PDSS2: variants seen among roughly 807,000 people sequenced by gnomAD.
The protein encoded by PDSS2 is all trans-polyprenyl-diphosphate synthase PDSS2.
In PDSS2, 31 loss-of-function variants were observed where a neutral mutation model predicts 44.5. The observed-to-expected ratio is 0.70, with a 90% CI of 0.52 to 0.94. The LOEUF (loss-of-function observed/expected upper bound fraction) is 0.94. Ranked by LOEUF, PDSS2 falls within the 40% of genes least tolerant of loss-of-function variation. The pLI is 0.00. For synonymous variants in PDSS2, 157 were observed against 180.3 expected, an observed-to-expected ratio of 0.87 and a Z score of 1.03; for missense variants, 452 against 482.2, an observed-to-expected ratio of 0.94 and a Z score of 0.59.
At chr6:107,377,166 T>C (rs1779310555) in intron 1 of PDSS2, among the ~76,000 whole-genome samples, 1 of 144,196 alleles carries the variant, frequency 6.9e-6, no homozygotes, top group African/African-American at 2.6e-5. Flanking sequence ...ACCCAGAATC[T>C]ACAATGAACT....
At chr6:107,402,343 G>T (rs560310451) in intron 1 of PDSS2, among the ~76,000 whole-genome samples, 7 of 137,094 alleles carry the variant, frequency 5.1e-5, no homozygotes, top group African/African-American at 1.8e-4. Flanking sequence ...CCTTCAACAA[G>T]TATGGGACTA....
intron 4 of PDSS2, among the ~76,000 whole-genome samples, chr6:107,217,174 C>T (rs1773441072): frequency 6.6e-6 from 1 of 152,154 alleles, no homozygotes; most frequent in African/African-American, 2.4e-5. Flanking sequence ...CGGCGAATCT[C>T]CCTGAGGTAG....
At chr6:107,355,655 GTCT>G (rs61209247) in intron 1 of PDSS2, among the ~76,000 whole-genome samples, 2,030 of 152,254 alleles carry the variant, frequency 0.013, 61 homozygotes, top group East Asian at 0.12. Context: ...TTTTCAGTTT[GTCT>G]TCTTCTATAG....
chr6:107,364,707 G>T (rs1321019163), intron 1 of PDSS2, among the ~76,000 whole-genome samples: 2 of 152,232 alleles, frequency 1.3e-5, no homozygotes, highest in South Asian at 2.1e-4. Flanking sequence ...GCAGTGGGGG[G>T]GCTGAAGGGC....
intron 3 of PDSS2, among the ~76,000 whole-genome samples, chr6:107,252,015 G>C (rs1774837288): frequency 6.6e-6 from 1 of 152,118 alleles, no homozygotes. Flanking sequence ...CTAATTCCAG[G>C]TAGATTCAGT....
At chr6:107,288,949 G>A (rs1003700134) in intron 2 of PDSS2, among the ~76,000 whole-genome samples, 10 of 150,122 alleles carry the variant, frequency 6.7e-5, no homozygotes, top group African/African-American at 2.0e-4. Context: ...TAGTAGAGAC[G>A]GGGTTTCACC....
intron 4 of PDSS2, among the ~76,000 whole-genome samples, chr6:107,226,458 A>G (rs925718623): frequency 5.3e-5 from 8 of 152,180 alleles, no homozygotes; most frequent in Non-Finnish European, 1.2e-4. Flanking sequence ...GAGCTGACAA[A>G]GGAAACATAA....
chr6:107,380,372 T>C (rs911736159), intron 1 of PDSS2, among the ~76,000 whole-genome samples: 2 of 152,224 alleles, frequency 1.3e-5, no homozygotes, highest in Non-Finnish European at 2.9e-5. Flanking sequence ...AGTTTCTCAG[T>C]CTTTTTCCCC....
chr6:107,249,041 T>C (rs970642209), intron 3 of PDSS2, among the ~76,000 whole-genome samples: 7 of 152,234 alleles, frequency 4.6e-5, no homozygotes, highest in African/African-American at 1.7e-4. Context: ...CTCTGATTCT[T>C]GAAGGGCTCT....
At chr6:107,197,205 A>G (rs1205631325) in intron 6 of PDSS2, among the ~76,000 whole-genome samples, 1 of 146,976 alleles carries the variant, frequency 6.8e-6, no homozygotes, top group Non-Finnish European at 1.5e-5. Context: ...TAGCAGGTCA[A>G]TCAGAAGCAC....
intron 7 of PDSS2, among the ~76,000 whole-genome samples, chr6:107,191,351 T>G (rs962257164): frequency 6.6e-6 from 1 of 152,192 alleles, no homozygotes; most frequent in Admixed American, 6.5e-5. Flanking sequence ...GCACGAGGAA[T>G]GGAAGAGAGA....
At chr6:107,444,863 T>A (rs1781619384) in intron 1 of PDSS2, among the ~76,000 whole-genome samples, 1 of 152,156 alleles carries the variant, frequency 6.6e-6, no homozygotes. Flanking sequence ...ATAATTCGTC[T>A]CCAATAGCTG....
At chr6:107,339,953 A>C (rs1380483812) in intron 1 of PDSS2, among the ~76,000 whole-genome samples, 1 of 152,172 alleles carries the variant, frequency 6.6e-6, no homozygotes, top group Non-Finnish European at 1.5e-5. Context: ...ATCATTTATC[A>C]TCAGTGTAGA....
chr6:107,202,901 CGAGGA>C (rs1292553725), intron 6 of PDSS2, among the ~76,000 whole-genome samples: 1 of 151,670 alleles, frequency 6.6e-6, no homozygotes, highest in Non-Finnish European at 1.5e-5. Flanking sequence ...TAGAGTAAGG[CGAGGA>C]GATACTACTT....
At chr6:107,272,126 A>G (rs1448258276) in intron 3 of PDSS2, among the ~76,000 whole-genome samples, 1 of 151,904 alleles carries the variant, frequency 6.6e-6, no homozygotes, top group African/African-American at 2.4e-5. Context: ...AACTCTCTCC[A>G]CTGTGTAAGG....
intron 4 of PDSS2, among the ~76,000 whole-genome samples, chr6:107,230,665 T>A (rs1370477968): frequency 3.2e-4 from 48 of 151,860 alleles, no homozygotes; most frequent in South Asian, 6.2e-4. Flanking sequence ...ACCAGCAGAC[T>A]AGCCAGGGCA....
intron 6 of PDSS2, among the ~76,000 whole-genome samples, chr6:107,208,839 G>A (rs189945902): frequency 6.6e-6 from 1 of 151,858 alleles, no homozygotes; most frequent in Non-Finnish European, 1.5e-5. Context: ...GGGATTACAG[G>A]TGTGAGCCAC....
chr6:107,340,779 T>C (rs1778055737), intron 1 of PDSS2, among the ~76,000 whole-genome samples: 3 of 151,976 alleles, frequency 2.0e-5, no homozygotes, highest in Non-Finnish European at 4.4e-5. Context: ...GTCATGGGAA[T>C]AGAAAGAAGG....
chr6:107,358,639 A>G (rs893679086), intron 1 of PDSS2, among the ~76,000 whole-genome samples: 2 of 152,218 alleles, frequency 1.3e-5, no homozygotes, highest in African/African-American at 2.4e-5. Flanking sequence ...ACTGAGGAGA[A>G]AGCCATGGAT....
Sources: gnomAD v4.1 joint callset for allele counts (sites outside exome capture counted in the v4.1 genomes callset) on GRCh38, gnomAD v4.1.1 for gene constraint, MANE v1.5 for transcripts, NCBI Gene and HGNC (gene_info 2026-07-23, HGNC 2026-07-21) for gene names.